The following FOXP1 variants were observed in gnomAD, a reference collection of about 807,000 sequenced individuals.
The protein encoded by FOXP1 is forkhead box protein P1.
A neutral mutation model predicts 98.2 loss-of-function variants in FOXP1; 15 were observed. The ratio of observed to expected loss-of-function variants is 0.15; its 90% CI spans 0.10 to 0.24. The LOEUF is 0.24. Ranked by LOEUF, FOXP1 falls within the 10% of genes least tolerant of loss-of-function variation. The pLI is 1.00. For synonymous variants in FOXP1, 371 were observed against 314.5 expected (o/e 1.18, Z -1.90); for missense variants, 633 against 848.5 (o/e 0.75, Z 3.15).
intron 19 of FOXP1, chr3:70,969,024 A>G (rs2035593870): frequency 6.6e-6 from 1 of 152,202 alleles, no homozygotes; most frequent in African/African-American, 2.4e-5. Flanking sequence ...GCCAAAAGCA[A>G]ATGTTCAGAG....
chr3:71,046,414 G>GA (rs201820861), intron 10 of FOXP1, among the ~76,000 whole-genome samples: 46 of 149,876 alleles, frequency 3.1e-4, no homozygotes, highest in East Asian at 1.2e-3. Context: ...AATGCAAAAA[G>GA]AAAAAAAAAG....
chr3:71,582,576 A>G (rs1369906069), intron 1 of FOXP1: 3 of 985,286 alleles, frequency 3.0e-6, no homozygotes, highest in South Asian at 9.4e-5. Context: ...GACAAATCGG[A>G]GCTTGGGAAA....
chr3:71,030,424 C>G (rs1181840348), intron 11 of FOXP1, among the ~76,000 whole-genome samples: 1 of 152,222 alleles, frequency 6.6e-6, no homozygotes, highest in Non-Finnish European at 1.5e-5. Flanking sequence ...CTTACCCCAA[C>G]AGTAACCTCA....
At chr3:71,328,974 TAAAAAAAAAAAAAAAC>T (rs2076101568) in intron 4 of FOXP1, among the ~76,000 whole-genome samples, 2 of 31,184 alleles carry the variant, frequency 6.4e-5, no homozygotes, top group African/African-American at 1.8e-4. Flanking sequence ...TCCATCTCGC[TAAAAAAAAAAAAAAAC>T]AAAAAAAAAA....
intron 1 of FOXP1, chr3:71,582,631 G>A (rs1034792069): frequency 1.0e-6 from 1 of 985,456 alleles, no homozygotes. Flanking sequence ...ATCAGAAAAT[G>A]TGTGTGATGG....
intron 3 of FOXP1, among the ~76,000 whole-genome samples, chr3:71,450,436 C>T (rs191279416): frequency 3.3e-5 from 5 of 152,178 alleles, no homozygotes; most frequent in Admixed American, 6.5e-5. Context: ...TCTCTAATGC[C>T]ACAGAAATTT....
At position 71,254,872 on chromosome 3, in the gene FOXP1, T is replaced by C. The variant is rs573771933; in HGVS notation, c.-12+44948A>G. ...TTATATGGAGAAAGCATTTCAGTTA[T>C]GAGCTTGACAAAATGCCCAGCATTG... On this transcript the variant is annotated intron_variant, in intron 5 of 20. Transcript: ENST00000649528. 1.7e-3 allele frequency among the ~76,000 whole-genome samples: 262 copies of C among 152,324 alleles called. 2 individuals are homozygous for C. Among genetic ancestry groups the C allele is most frequent in the African/African-American group, 5.2e-3 (215 of 41,570 alleles).
At chr3:71,227,357 AG>A (rs1171967420) in intron 5 of FOXP1, among the ~76,000 whole-genome samples, 1 of 152,162 alleles carries the variant, frequency 6.6e-6, no homozygotes, top group Non-Finnish European at 1.5e-5. Flanking sequence ...TGATATAATG[AG>A]TCTGTAAACA....
intron 5 of FOXP1, among the ~76,000 whole-genome samples, chr3:71,235,995 T>G (rs1410880796): frequency 6.6e-6 from 1 of 152,174 alleles, no homozygotes; most frequent in African/African-American, 2.4e-5. Context: ...AATGCCCCAG[T>G]AAGAGCCTGT....
At chr3:71,420,303 C>A (rs1168745411) in intron 3 of FOXP1, among the ~76,000 whole-genome samples, 2 of 152,064 alleles carry the variant, frequency 1.3e-5, no homozygotes, top group Non-Finnish European at 2.9e-5. Context: ...TGGAGTTTGA[C>A]AAGCAATGGT....
chr3:71,222,568 G>A (rs1038711667), intron 5 of FOXP1, among the ~76,000 whole-genome samples: 3 of 152,110 alleles, frequency 2.0e-5, no homozygotes, highest in South Asian at 2.1e-4. Flanking sequence ...ACAGGTGCCC[G>A]CCACCACGCC....
intron 4 of FOXP1, among the ~76,000 whole-genome samples, chr3:71,335,745 T>C (rs1046610643): frequency 5.9e-5 from 9 of 152,044 alleles, no homozygotes; most frequent in African/African-American, 2.2e-4. Context: ...TGGCTCACGC[T>C]TATAATCTTA....
chr3:71,348,667 G>A (rs981944455), intron 4 of FOXP1, among the ~76,000 whole-genome samples: 1 of 151,928 alleles, frequency 6.6e-6, no homozygotes, highest in African/African-American at 2.4e-5. Flanking sequence ...GTGTCGAGCA[G>A]AGGAGGGAGT....
chr3:71,559,741 G>A (rs2046397211), intron 2 of FOXP1, among the ~76,000 whole-genome samples: 1 of 152,178 alleles, frequency 6.6e-6, no homozygotes, highest in Non-Finnish European at 1.5e-5. Context: ...CAGCTACTCA[G>A]AGGGCTGAGG....
intron 3 of FOXP1, among the ~76,000 whole-genome samples, chr3:71,364,985 G>A (rs1338431238): frequency 6.6e-6 from 1 of 152,140 alleles, no homozygotes; most frequent in African/African-American, 2.4e-5. Context: ...TTTAGACTCT[G>A]GTGCCACAGC....
At chr3:71,067,893 G>C (rs2052728525) in intron 7 of FOXP1, among the ~76,000 whole-genome samples, 1 of 149,882 alleles carries the variant, frequency 6.7e-6, no homozygotes, top group Non-Finnish European at 1.5e-5. Context: ...TCCAGCCTAG[G>C]CAACAGAGCA....
intron 6 of FOXP1, among the ~76,000 whole-genome samples, chr3:71,140,438 TTC>T (rs1189815250): frequency 1.3e-5 from 2 of 152,210 alleles, no homozygotes; most frequent in Non-Finnish European, 2.9e-5. Context: ...GTTTTGGATT[TTC>T]CTGTTAGGGA....
At chr3:71,099,677 A>G (rs2056789271) in intron 7 of FOXP1, among the ~76,000 whole-genome samples, 2 of 152,206 alleles carry the variant, frequency 1.3e-5, no homozygotes, top group Non-Finnish European at 2.9e-5. Context: ...AAGTTAAGCT[A>G]CTTTTCCAAG....
intron 5 of FOXP1, among the ~76,000 whole-genome samples, chr3:71,238,175 T>C (rs575487331): frequency 5.3e-5 from 8 of 152,288 alleles, no homozygotes; most frequent in Admixed American, 5.2e-4. Context: ...GACCATGCAG[T>C]GGTGATTCAG....
Sources: allele counts gnomAD v4.1 joint callset (sites outside exome capture counted in the v4.1 genomes callset), GRCh38; gene constraint gnomAD v4.1.1; transcripts MANE v1.5; gene names NCBI Gene and HGNC (gene_info 2026-07-23, HGNC 2026-07-21).